DRICH1: variants seen among roughly 807,000 people sequenced by gnomAD.
The protein encoded by DRICH1 is aspartate rich 1, also known as aspartate-rich protein 1.
DRICH1 carries 38 observed loss-of-function variants against 39.5 expected under a neutral mutation model. The observed-to-expected ratio is 0.96, with a 90% CI of 0.74 to 1.26. The LOEUF is 1.26. Among genes scored for constraint, DRICH1 ranks in the 50% most tolerant of loss-of-function variants. DRICH1 has a pLI of 0.00. For missense variants in DRICH1, 279 were observed against 270.4 expected (o/e 1.03, Z -0.22); for synonymous variants, 84 against 99.5 (o/e 0.84, Z 0.93).
intron 1 of DRICH1, among the ~76,000 whole-genome samples, chr22:23,629,720 C>T (rs1184704358): frequency 2.0e-5 from 3 of 152,050 alleles, no homozygotes; most frequent in Non-Finnish European, 4.4e-5. Flanking sequence ...CAGGTTCAAG[C>T]GATTCTCCAG....
the DRICH1 span, among the ~76,000 whole-genome samples, chr22:23,586,416 G>A: frequency 1.3e-5 from 2 of 152,194 alleles, no homozygotes; most frequent in African/African-American, 4.8e-5. Flanking sequence ...CTGAGCCCAG[G>A]AGGTCTAGGC....
At chr22:23,629,366 G>A (rs1928259120) in intron 1 of DRICH1, among the ~76,000 whole-genome samples, 1 of 152,146 alleles carries the variant, frequency 6.6e-6, no homozygotes, top group Admixed American at 6.5e-5. Context: ...TGCACTGTGT[G>A]TGCATCCATT....
At chr22:23,615,986 T>C (rs996649645) in intron 8 of DRICH1, among the ~76,000 whole-genome samples, 6 of 152,322 alleles carry the variant, frequency 3.9e-5, no homozygotes, top group African/African-American at 9.6e-5. Context: ...GTGCTCAAGG[T>C]TGTGCTTCTC....
At chr22:23,611,376 GTTCTTATTTTCA>G (rs1475550345) in intron 11 of DRICH1, among the ~76,000 whole-genome samples, 2 of 149,832 alleles carry the variant, frequency 1.3e-5, no homozygotes, top group African/African-American at 4.9e-5. Flanking sequence ...ATTTATGGCT[GTTCTTATTTTCA>G]TTCATTTTTT....
At position 23,632,123 on chromosome 22, in the gene DRICH1, A is replaced by C; in HGVS notation, c.-100T>G. 1 of 1,540,100 alleles carries C rather than the reference A, an allele frequency of 6.5e-7. No homozygotes were observed. The highest frequency in any genetic ancestry group is 8.8e-7 in the Non-Finnish European group (1 of 1,141,098). ...CTACTGAGGGTGGCCCTGCACTTTT[A>C]GAAGCAGCCTGACCCCAGGCAGATC... On this transcript the variant is annotated 5_prime_UTR_variant, in exon 1 of 12. Transcript: ENST00000317749.
At chr22:23,630,760 T>C (rs1292752075) in intron 1 of DRICH1, 1 of 152,176 alleles carries the variant, frequency 6.6e-6, no homozygotes, top group Non-Finnish European at 1.5e-5. Flanking sequence ...CTCTAGTGGA[T>C]GATGACAGTT....
At chr22:23,599,944 G>A in the DRICH1 span, among the ~76,000 whole-genome samples, 5 of 152,216 alleles carry the variant, frequency 3.3e-5, no homozygotes, top group Admixed American at 3.3e-4. Flanking sequence ...GCTGGGCTAG[G>A]TTGATCCCGC....
chr22:23,619,203 C>G (rs1487420014), intron 6 of DRICH1, among the ~76,000 whole-genome samples, 161 bp downstream of exon 6: 1 of 148,078 alleles, frequency 6.8e-6, no homozygotes, highest in Non-Finnish European at 1.5e-5. Context: ...AAAGAAATCA[C>G]AAATTTATAT....
At chr22:23,582,581 T>TATTATTATTATTATTATTATTA in the DRICH1 span, among the ~76,000 whole-genome samples, 1 of 150,674 alleles carries the variant, frequency 6.6e-6, no homozygotes, top group Non-Finnish European at 1.5e-5. Context: ...TTATTATTAT[T>TATTATTATTATTATTATTATTA]TTGAGATGGA....
Position 23,617,633 on chromosome 22 carries a change from A to T in DRICH1, c.461T>A (p.Leu154Ter). 1.2e-6 allele frequency: 2 copies of T among 1,614,200 alleles called. No homozygotes were observed. Among genetic ancestry groups the T allele is most frequent in the Non-Finnish European group, 1.7e-6 (2 of 1,180,018 alleles). Residue 154 changes from leucine (L) to a stop codon, truncating the protein, a stop_gained, in exon 7 of 12, where the codon TTA becomes TAA. Coordinates refer to ENST00000317749, the MANE Select transcript of DRICH1 (RefSeq NM_016449.4). LOFTEE classifies it high-confidence loss of function. ...ATCTTCACTTCGTGGTAGGCATACT[A>T]AACTCAGGTTGTCCTCAGAAGAACC... ...SSCSSEDNLS[L>*]VCLPRSEDDD...
chr22:23,619,803 C>T (rs1391229629), intron 5 of DRICH1, among the ~76,000 whole-genome samples: 1 of 151,752 alleles, frequency 6.6e-6, no homozygotes, highest in East Asian at 1.9e-4. Flanking sequence ...TTCATTCTGT[C>T]CTCCACACTC....
In DRICH1 at chr22:23,616,859, C is replaced by G. The variant is rs771863366; in HGVS notation, c.535G>C (p.Val179Leu). ...DDDAQILPSP[V>L]QACSEDSLFL... Reference sequence around the variant, plus strand: ...GTTAGTTCAAGGTACATACCCTGGACAGGTGACGGTAAAATCTGCAATGAG... The same window carrying G: ...GTTAGTTCAAGGTACATACCCTGGAGAGGTGACGGTAAAATCTGCAATGAG... Residue 179 changes from valine to leucine, a missense_variant, in exon 8 of 12, where the codon GTC becomes CTC. Coordinates refer to ENST00000317749, the MANE Select transcript of DRICH1 (RefSeq NM_016449.4). 8 of 1,614,076 alleles carry G rather than the reference C, an allele frequency of 5.0e-6. No homozygotes were observed. The highest frequency in any genetic ancestry group is 1.1e-5 in the South Asian group (1 of 91,086).
chr22:23,605,044 G>C (rs1424254488), downstream of DRICH1, among the ~76,000 whole-genome samples: 1 of 152,108 alleles, frequency 6.6e-6, no homozygotes, highest in African/African-American at 2.4e-5. Context: ...TGGGCGGGTC[G>C]CCTCACCACT....
At position 23,632,224 on chromosome 22, in the gene DRICH1, T is replaced by C; in HGVS notation, c.-201A>G. ...GAGGTCAGGGACCTGCTGTCTTCTT[T>C]GAAAAATAAACGAACATGACAAGCA... On this transcript the variant is annotated 5_prime_UTR_variant, in exon 1 of 12. Transcript: ENST00000317749. 7 of 848,080 alleles carry C rather than the reference T, an allele frequency of 8.3e-6. No individual in the cohort carries two copies. The South Asian group carries it at 1.3e-4, about 16-fold the overall frequency. The allele number at this position is 848,080 out of a possible 1,614,324, so 52.5% of individuals were successfully genotyped here.
chr22:23,632,009 CA>C lies in DRICH1; in HGVS notation c.14del (p.Leu5ArgfsTer40). ...CACAGTGGGAGTTGATACAACAGGTCAGTATATTCCCCATGGGGCCTCTCCA... is the reference window on the plus strand; with the variant it reads ...CACAGTGGGAGTTGATACAACAGGTCGTATATTCCCCATGGGGCCTCTCCA... MGNILTCCINSHCGW... is the reference protein window; with the variant it reads MGNIXTCCINSHCGW... On this transcript the variant is annotated frameshift_variant, in exon 1 of 12. Transcript: ENST00000317749. LOFTEE classifies it high-confidence loss of function. The C allele has an allele frequency of 6.2e-7, 1 of 1,613,278 alleles. No homozygotes were observed. Among genetic ancestry groups the C allele is most frequent in the Non-Finnish European group, 8.5e-7 (1 of 1,179,994 alleles).
At chr22:23,585,115 T>C in the DRICH1 span, among the ~76,000 whole-genome samples, 1 of 152,294 alleles carries the variant, frequency 6.6e-6, no homozygotes, top group African/African-American at 2.4e-5. Flanking sequence ...CTCTCCTTCC[T>C]TTCCCTTCTT....
intron 6 of DRICH1, 125 bp downstream of exon 6, chr22:23,619,239 G>A (rs1476239448): frequency 3.3e-5 from 21 of 631,902 alleles, no homozygotes; most frequent in Non-Finnish European, 5.3e-5. Flanking sequence ...TAACTAATCA[G>A]CTGTCAACAT....
rs1920991658 is a variant in DRICH1, at chr22:23,631,926, G to A, written c.98C>T (p.Thr33Ile). 5 of 1,613,662 alleles carry A rather than the reference G, an allele frequency of 3.1e-6. No individual in the cohort carries two copies. The highest frequency in any genetic ancestry group is 3.3e-5 in the Admixed American group (2 of 60,006). Reference protein sequence around the residue: ...CYESDTDIYETVAAATSESTT... With the variant: ...CYESDTDIYEIVAAATSESTT... ...GGATTCTGATGTTGCAGCAGCCACAGTCTCATAAATATCAGTATCAGATTC... is the reference window on the plus strand; with the variant it reads ...GGATTCTGATGTTGCAGCAGCCACAATCTCATAAATATCAGTATCAGATTC... The change falls in exon 1 of 12, where the codon ACT becomes ATT. Residue 33 changes from threonine to isoleucine, a missense_variant. Coordinates refer to ENST00000317749, the MANE Select transcript of DRICH1 (RefSeq NM_016449.4).
intron 11 of DRICH1, among the ~76,000 whole-genome samples, chr22:23,611,985 T>C (rs996006792): frequency 1.3e-5 from 2 of 152,228 alleles, no homozygotes; most frequent in African/African-American, 4.8e-5. Flanking sequence ...AAACGGCTAC[T>C]CACATATGCT....
Sources: allele counts gnomAD v4.1 joint callset (sites outside exome capture counted in the v4.1 genomes callset), GRCh38; gene constraint gnomAD v4.1.1; transcripts MANE v1.5; gene names NCBI Gene and HGNC (gene_info 2026-07-23, HGNC 2026-07-21).